STIMATE: variants seen among roughly 807,000 people sequenced by gnomAD.
STIMATE encodes the protein store-operated calcium entry regulator STIMATE.
A neutral mutation model predicts 36.7 loss-of-function variants in STIMATE; 15 were observed. The ratio of observed to expected loss-of-function variants is 0.41; its 90% CI spans 0.27 to 0.63. The LOEUF is 0.63. Ranked by LOEUF, STIMATE falls within the 20% of genes least tolerant of loss-of-function variation. The pLI is 0.32. For missense variants in STIMATE, 305 were observed against 397.3 expected (o/e 0.77, Z 1.98); for synonymous variants, 163 against 162.3 (o/e 1.00, Z -0.03).
intron 1 of STIMATE, among the ~76,000 whole-genome samples, chr3:52,881,160 T>G (rs984644883): frequency 6.8e-6 from 1 of 147,906 alleles, no homozygotes; most frequent in Non-Finnish European, 1.5e-5. Flanking sequence ...GCCGAGATGG[T>G]GCCACCGTAC....
At chr3:52,847,457 C>T in intron 4 of STIMATE, 1 of 1,288,838 alleles carries the variant, frequency 7.8e-7, no homozygotes, top group Middle Eastern at 2.3e-4. Context: ...AGTGCAGACA[C>T]CATGCGTCAC....
intron 4 of STIMATE, among the ~76,000 whole-genome samples, chr3:52,849,474 A>C (rs1451741103): frequency 6.6e-6 from 1 of 152,228 alleles, no homozygotes; most frequent in African/African-American, 2.4e-5. Flanking sequence ...CAGAACGAAG[A>C]GTCCCTGCGG....
In STIMATE at chr3:52,844,913, G is replaced by A. The variant is rs373494346; in HGVS notation, c.456C>T (p.Val152=). 138 of 1,613,962 alleles carry A rather than the reference G, an allele frequency of 8.6e-5. No homozygotes were observed. Among genetic ancestry groups the A allele is most frequent in the East Asian group, 6.5e-4 (29 of 44,872 alleles). Residue 152 remains valine, a synonymous_variant, in exon 5 of 8, where the codon GTC becomes GTT. Transcript: ENST00000355083. Reference sequence around the variant, plus strand: ...TCACGATGTAAAGAGCGCACTGCCCGACCCAGGCTCCACACTGCAGAGGGT... The same window carrying A: ...TCACGATGTAAAGAGCGCACTGCCCAACCCAGGCTCCACACTGCAGAGGGT... ...YGDPLQCGAW[V]GQCALYIVIM... is the part of the protein sequence containing the mutation.
intron 1 of STIMATE, among the ~76,000 whole-genome samples, chr3:52,881,515 T>C (rs769630737): frequency 9.9e-5 from 15 of 151,982 alleles, no homozygotes; most frequent in Non-Finnish European, 1.9e-4. Flanking sequence ...CCATCCTGGC[T>C]AACAAGGTGA....
chr3:52,875,119 T>C (rs1701479131), intron 1 of STIMATE, among the ~76,000 whole-genome samples: 1 of 152,210 alleles, frequency 6.6e-6, no homozygotes, highest in African/African-American at 2.4e-5. Context: ...TGTGCTCCTG[T>C]ATGCTAACAG....
chr3:52,877,161 G>T (rs1403215463), intron 1 of STIMATE, among the ~76,000 whole-genome samples: 1 of 152,224 alleles, frequency 6.6e-6, no homozygotes, highest in Non-Finnish European at 1.5e-5. Flanking sequence ...CTTTAACACA[G>T]CTCACGCTTT....
intron 4 of STIMATE, among the ~76,000 whole-genome samples, chr3:52,849,238 T>G (rs1004087845): frequency 6.6e-6 from 1 of 152,180 alleles, no homozygotes; most frequent in African/African-American, 2.4e-5. Context: ...AGAGAGCTGA[T>G]GTTACCCCTA....
intron 1 of STIMATE, among the ~76,000 whole-genome samples, chr3:52,861,788 C>T (rs955724906): frequency 1.3e-5 from 2 of 152,184 alleles, no homozygotes; most frequent in Admixed American, 1.3e-4. Flanking sequence ...CTGCAACCCT[C>T]CATACCAATC....
chr3:52,887,376 G>C (rs938046371), intron 1 of STIMATE, among the ~76,000 whole-genome samples: 2 of 152,212 alleles, frequency 1.3e-5, no homozygotes, highest in African/African-American at 2.4e-5. Flanking sequence ...CCTGGCTGGT[G>C]GACCGGACCC....
chr3:52,843,169 G>C (rs1700832777), intron 6 of STIMATE: 1 of 982,392 alleles, frequency 1.0e-6, no homozygotes, highest in South Asian at 1.8e-5. Context: ...ATCAGAGTGT[G>C]CAAGGAACGT....
chr3:52,887,530 A>C (rs1260505252), intron 1 of STIMATE, among the ~76,000 whole-genome samples: 1 of 152,220 alleles, frequency 6.6e-6, no homozygotes, highest in African/African-American at 2.4e-5. Context: ...ACCTACACTA[A>C]GAAGGACCAC....
At chr3:52,852,045 T>C (rs1701009240) in intron 3 of STIMATE, among the ~76,000 whole-genome samples, 1 of 152,254 alleles carries the variant, frequency 6.6e-6, no homozygotes, top group African/African-American at 2.4e-5. Context: ...AAGCCTCCTC[T>C]GCCACTCCAC....
chr3:52,875,306 A>G (rs1310390433), intron 1 of STIMATE, among the ~76,000 whole-genome samples: 1 of 152,222 alleles, frequency 6.6e-6, no homozygotes, highest in Non-Finnish European at 1.5e-5. Flanking sequence ...GTGGTTAGTC[A>G]AATTCTTAGA....
chr3:52,842,760 T>C (rs1319940290), intron 7 of STIMATE, 51 bp downstream of exon 7: 3 of 1,611,102 alleles, frequency 1.9e-6, no homozygotes, highest in Admixed American at 3.3e-5. Flanking sequence ...GAGACCCCCT[T>C]GGGCCAGCGA....
At chr3:52,872,556 T>C (rs907646168) in intron 1 of STIMATE, among the ~76,000 whole-genome samples, 5 of 152,248 alleles carry the variant, frequency 3.3e-5, no homozygotes, top group Non-Finnish European at 7.3e-5. Context: ...CGTAAATAAC[T>C]GGAAGTCAGG....
Position 52,839,223 on chromosome 3 carries a change from G to C in STIMATE, c.*1271C>G, listed in dbSNP as rs1030502257. ...GCCTCCCTTAGCCACCTCAGCTTTG[G>C]AGGGTGAGAAAAACAGGATCACTTT... is the stretch of plus-strand genomic sequence containing the variant. On this transcript the variant is annotated 3_prime_UTR_variant, in exon 8 of 8. Transcript: ENST00000355083. 1 of 152,278 alleles carries C rather than the reference G, an allele frequency of 6.6e-6. No individual in the cohort carries two copies. Among genetic ancestry groups the C allele is most frequent in the African/African-American group, 2.4e-5 (1 of 41,462 alleles). The allele number at this position is 152,278 out of a possible 1,614,324, so 9.4% of individuals were successfully genotyped here. A position where few individuals can be genotyped will look rare whatever the true frequency, so the allele number is the denominator to read the frequency against.
intron 2 of STIMATE, among the ~76,000 whole-genome samples, chr3:52,854,600 G>A (rs1406344807): frequency 6.6e-6 from 1 of 152,196 alleles, no homozygotes; most frequent in African/African-American, 2.4e-5. Context: ...TAATAAATCA[G>A]TAAATGTAAG....
chr3:52,838,015 CACAA>C lies in STIMATE; in HGVS notation c.*2475_*2478del, dbSNP rs1700735490. Reference sequence around the variant, plus strand: ...GTGCACGTGCACGTGCACACACACACACAAACACACAAGAAAGGGAAGGCCAAAC... The same window carrying C: ...GTGCACGTGCACGTGCACACACACACACACACAAGAAAGGGAAGGCCAAAC... On this transcript the variant is annotated 3_prime_UTR_variant, in exon 8 of 8. Transcript: ENST00000355083. 1 of 151,688 alleles carries C rather than the reference CACAA, an allele frequency of 6.6e-6. No homozygotes were observed. The highest frequency in any genetic ancestry group is 2.4e-5 in the African/African-American group (1 of 41,278). The allele number at this position is 151,688 out of a possible 1,614,324, so 9.4% of individuals were successfully genotyped here.
chr3:52,872,197 C>G (rs1210652568), intron 1 of STIMATE, among the ~76,000 whole-genome samples: 2 of 152,148 alleles, frequency 1.3e-5, no homozygotes, highest in African/African-American at 4.8e-5. Flanking sequence ...TTTCTTACTA[C>G]TGTCTTCTCC....
Sources: gnomAD v4.1 joint callset for allele counts (sites outside exome capture counted in the v4.1 genomes callset) on GRCh38, gnomAD v4.1.1 for gene constraint, MANE v1.5 for transcripts, NCBI Gene and HGNC (gene_info 2026-07-23, HGNC 2026-07-21) for gene names.